TBC1D12: variants seen among roughly 807,000 people sequenced by gnomAD.
The protein encoded by TBC1D12 is TBC1 domain family, member 12.
A neutral mutation model predicts 86.7 loss-of-function variants in TBC1D12; 56 were observed. The ratio of observed to expected loss-of-function variants is 0.65; its 90% CI spans 0.52 to 0.81. TBC1D12 has a LOEUF of 0.81. TBC1D12 is among the 30% of genes least tolerant of loss of function. The probability of loss-of-function intolerance (pLI) is 0.00; values close to 1 mark genes in which losing one functional copy is unlikely to be tolerated. For missense variants in TBC1D12, 1,023 were observed against 1,038.8 expected (o/e 0.98, Z 0.21); for synonymous variants, 421 against 411.7 (o/e 1.02, Z -0.27).
At chr10:94,449,505 T>G (rs1451300992) in intron 2 of TBC1D12, among the ~76,000 whole-genome samples, 2 of 152,200 alleles carry the variant, frequency 1.3e-5, no homozygotes, top group African/African-American at 4.8e-5. Context: ...GCATAATGGT[T>G]TCCTCAGCTC....
At chr10:94,482,430 C>G (rs1477992993) in intron 3 of TBC1D12, among the ~76,000 whole-genome samples, 1 of 151,646 alleles carries the variant, frequency 6.6e-6, no homozygotes, top group Non-Finnish European at 1.5e-5. Context: ...GTTGTACTAT[C>G]AAATACTAGG....
At chr10:94,483,032 T>C (rs2056100645) in intron 3 of TBC1D12, among the ~76,000 whole-genome samples, 1 of 113,026 alleles carries the variant, frequency 8.8e-6, no homozygotes, top group African/African-American at 4.1e-5. Context: ...AACCACATAT[T>C]CTTCTTCTTT....
chr10:94,503,752 A>G (rs1589663570), intron 6 of TBC1D12, among the ~76,000 whole-genome samples: 1 of 152,136 alleles, frequency 6.6e-6, no homozygotes, highest in East Asian at 1.9e-4. Flanking sequence ...CAGCCTCCCA[A>G]GTAGCTGAGA....
chr10:94,460,118 G>A (rs2055702447), intron 2 of TBC1D12, among the ~76,000 whole-genome samples: 1 of 152,184 alleles, frequency 6.6e-6, no homozygotes, highest in Non-Finnish European at 1.5e-5. Context: ...TGTAATCCCA[G>A]CTACTTGGGA....
intron 3 of TBC1D12, among the ~76,000 whole-genome samples, chr10:94,483,573 T>C (rs2056110724): frequency 6.6e-6 from 1 of 152,260 alleles, no homozygotes; most frequent in South Asian, 2.1e-4. Flanking sequence ...GAGAAATGTC[T>C]ATTCAAATAT....
At chr10:94,462,967 A>G (rs1042937768) in intron 2 of TBC1D12, among the ~76,000 whole-genome samples, 2 of 151,602 alleles carry the variant, frequency 1.3e-5, no homozygotes, top group Admixed American at 1.3e-4. Flanking sequence ...CTTTTTTTCT[A>G]GTTTTCTAAG....
intron 11 of TBC1D12, among the ~76,000 whole-genome samples, chr10:94,526,454 AAAAG>A (rs756006549): frequency 2.6e-5 from 4 of 152,172 alleles, no homozygotes; most frequent in Admixed American, 2.6e-4. Flanking sequence ...AAAAGAAAGA[AAAAG>A]AGAGTGACTA....
chr10:94,469,912 C>T (rs2055879159), intron 2 of TBC1D12, among the ~76,000 whole-genome samples: 1 of 152,206 alleles, frequency 6.6e-6, no homozygotes, highest in Non-Finnish European at 1.5e-5. Flanking sequence ...GATCCTCAGG[C>T]TCATCTTGTT....
rs1315006217 is a variant in TBC1D12 at position 94,531,682 on chromosome 10, ATTTTATG to A, written c.2259+225_2259+231del. Reference sequence around the variant, plus strand: ...ATTTTATTTTATTTTATTTTATTTTATTTTATGTTATTTTATGTTATGTTATTTTATG... The same window carrying A: ...ATTTTATTTTATTTTATTTTATTTTATTATTTTATGTTATGTTATTTTATG... On this transcript the variant is annotated intron_variant, in intron 12 of 12. Transcript: ENST00000225235. 2.9e-3 allele frequency among the ~76,000 whole-genome samples: 423 copies of A among 143,906 alleles called. 6 individuals are homozygous for A. The highest frequency in any genetic ancestry group is 0.01 in the African/African-American group (407 of 39,340). The allele number at this position is 143,906 out of a possible 152,430, so 94.4% of individuals were successfully genotyped here.
At chr10:94,474,260 T>A (rs1032319845) in intron 2 of TBC1D12, among the ~76,000 whole-genome samples, 1 of 152,188 alleles carries the variant, frequency 6.6e-6, no homozygotes, top group South Asian at 2.1e-4. Flanking sequence ...TAATCTAGTG[T>A]ACTTCTGTCT....
Position 94,416,425 on chromosome 10 carries a change from T to C in TBC1D12, c.971+12841T>C, listed in dbSNP as rs60886786. On this transcript the variant is annotated intron_variant, in intron 1 of 12. Transcript: ENST00000225235. ...CTATGTTGAAGTACAGTGTAGTTCATTGTAATGTTCATAGTCCCAATTTCC... is the reference window on the plus strand; with the variant it reads ...CTATGTTGAAGTACAGTGTAGTTCACTGTAATGTTCATAGTCCCAATTTCC... 7.1e-3 allele frequency among the ~76,000 whole-genome samples: 1,081 copies of C among 152,336 alleles called. 17 individuals are homozygous for C. Among genetic ancestry groups the C allele is most frequent in the African/African-American group, 0.025 (1,040 of 41,558 alleles).
intron 11 of TBC1D12, among the ~76,000 whole-genome samples, chr10:94,530,361 T>C (rs1842391478): frequency 6.6e-6 from 1 of 152,050 alleles, no homozygotes; most frequent in Non-Finnish European, 1.5e-5. Context: ...AAAGAAGTAG[T>C]AAATAAAGCT....
chr10:94,498,826 T>C (rs979422126), intron 5 of TBC1D12, among the ~76,000 whole-genome samples: 1 of 151,798 alleles, frequency 6.6e-6, no homozygotes, highest in African/African-American at 2.4e-5. Context: ...TGGGGTGTAG[T>C]GGCGAGATCA....
chr10:94,448,991 A>G (rs912378598), intron 2 of TBC1D12, among the ~76,000 whole-genome samples: 2 of 152,184 alleles, frequency 1.3e-5, no homozygotes, highest in East Asian at 3.9e-4. Flanking sequence ...AGGTACTAGT[A>G]ATATTTCTGG....
intron 1 of TBC1D12, among the ~76,000 whole-genome samples, chr10:94,405,718 T>C (rs1265929094): frequency 1.3e-5 from 2 of 152,172 alleles, no homozygotes; most frequent in Non-Finnish European, 2.9e-5. Flanking sequence ...ATAGAGATGA[T>C]TTAGAAAACT....
intron 9 of TBC1D12, among the ~76,000 whole-genome samples, chr10:94,519,757 C>T (rs1338954999): frequency 6.6e-6 from 1 of 152,146 alleles, no homozygotes; most frequent in African/African-American, 2.4e-5. Context: ...TCTTCAAAGC[C>T]AGCAGTGTAG....
intron 1 of TBC1D12, among the ~76,000 whole-genome samples, chr10:94,436,674 A>G (rs951464397): frequency 2.6e-5 from 4 of 152,004 alleles, no homozygotes; most frequent in African/African-American, 9.7e-5. Context: ...AACTTTGGCT[A>G]GATTTCTTCT....
intron 3 of TBC1D12, among the ~76,000 whole-genome samples, chr10:94,492,483 CA>C (rs1564974803): frequency 6.6e-6 from 1 of 152,146 alleles, no homozygotes; most frequent in Non-Finnish European, 1.5e-5. Flanking sequence ...TTAATTTTTA[CA>C]GTAGTTTTAT....
At position 94,403,250 on chromosome 10, in the gene TBC1D12, G is replaced by T; in HGVS notation, c.637G>T (p.Glu213Ter). The change falls in exon 1 of 13, where the codon GAG becomes TAG. Residue 213 changes from glutamate (E) to a stop codon, truncating the protein, a stop_gained. Transcript: ENST00000225235. LOFTEE classifies it high-confidence loss of function. Reference protein sequence around the residue: ...CLVAADAQEPEGAGSDSGDSP... With the variant: ...CLVAADAQEP ...GGTGGCCGCGGACGCCCAGGAGCCC[G>T]AGGGCGCGGGCAGCGACTCGGGGGA... 1 of 1,506,242 alleles carries T rather than the reference G, an allele frequency of 6.6e-7. No homozygotes were observed. Among genetic ancestry groups the T allele is most frequent in the South Asian group, 1.3e-5 (1 of 79,356 alleles). The allele number at this position is 1,506,242 out of a possible 1,614,324, so 93.3% of individuals were successfully genotyped here. A position where few individuals can be genotyped will look rare whatever the true frequency, so the allele number is the denominator to read the frequency against.
Sources: gnomAD v4.1 joint callset for allele counts (sites outside exome capture counted in the v4.1 genomes callset) on GRCh38, gnomAD v4.1.1 for gene constraint, MANE v1.5 for transcripts, NCBI Gene and HGNC (gene_info 2026-07-23, HGNC 2026-07-21) for gene names.